The following EYA1 variants were observed in gnomAD, a reference collection of about 807,000 sequenced individuals.
EYA1 encodes the protein protein phosphatase EYA1.
In EYA1, 16 loss-of-function variants were observed where a neutral mutation model predicts 82.0. The ratio of observed to expected loss-of-function variants is 0.20; its 90% CI spans 0.13 to 0.30. EYA1 has a LOEUF of 0.30. Ranked by LOEUF, EYA1 falls within the 10% of genes least tolerant of loss-of-function variation. The probability of loss-of-function intolerance (pLI) is 1.00; values close to 1 mark genes in which losing one functional copy is unlikely to be tolerated. For missense variants in EYA1, 633 were observed against 730.7 expected (o/e 0.87, Z 1.54); for synonymous variants, 261 against 264.4 (o/e 0.99, Z 0.12).
At chr8:71,303,317 C>T (rs1228205119) in intron 7 of EYA1, among the ~76,000 whole-genome samples, 2 of 116,658 alleles carry the variant, frequency 1.7e-5, no homozygotes, top group African/African-American at 6.5e-5. Flanking sequence ...ATTTGATATA[C>T]ACACACACAC....
chr8:71,206,890 G>T (rs1807848482), intron 17 of EYA1, among the ~76,000 whole-genome samples: 1 of 151,800 alleles, frequency 6.6e-6, no homozygotes, highest in Non-Finnish European at 1.5e-5. Context: ...TGAGTAGCTG[G>T]GACTACAGGC....
intron 2 of EYA1, among the ~76,000 whole-genome samples, chr8:71,524,622 AAAAATC>A (rs1813677219): frequency 6.6e-6 from 1 of 152,204 alleles, no homozygotes; most frequent in Non-Finnish European, 1.5e-5. Flanking sequence ...TGATATAATA[AAAAATC>A]TGAGTATTTC....
chr8:71,241,170 G>T (rs545569913), intron 12 of EYA1, among the ~76,000 whole-genome samples: 67 of 152,034 alleles, frequency 4.4e-4, no homozygotes, highest in Non-Finnish European at 7.4e-4. Flanking sequence ...TCCTTCATAC[G>T]TCAAACATTT....
intron 1 of EYA1, among the ~76,000 whole-genome samples, chr8:71,359,308 TA>T (rs1827172350): frequency 6.6e-6 from 1 of 152,186 alleles, no homozygotes; most frequent in Non-Finnish European, 1.5e-5. Context: ...CTCATTTTGT[TA>T]AACCTCACAT....
At chr8:71,252,148 T>C (rs1048445059) in intron 11 of EYA1, among the ~76,000 whole-genome samples, 9 of 152,168 alleles carry the variant, frequency 5.9e-5, no homozygotes, top group African/African-American at 2.2e-4. Flanking sequence ...TCATTAAAAA[T>C]GGACTTTTTA....
chr8:71,384,769 G>A (rs1000033467), intron 2 of EYA1, among the ~76,000 whole-genome samples: 1 of 152,162 alleles, frequency 6.6e-6, no homozygotes, highest in Non-Finnish European at 1.5e-5. Context: ...ATTCAACACA[G>A]AATCCCTTTT....
chr8:71,391,491 A>G (rs1829280095), intron 2 of EYA1, among the ~76,000 whole-genome samples: 1 of 151,930 alleles, frequency 6.6e-6, no homozygotes, highest in East Asian at 1.9e-4. Flanking sequence ...ACCTTTTTTT[A>G]TTCTTTGTAT....
At chr8:71,479,467 T>C (rs1466063270) in intron 2 of EYA1, among the ~76,000 whole-genome samples, 1 of 152,082 alleles carries the variant, frequency 6.6e-6, no homozygotes, top group Non-Finnish European at 1.5e-5. Context: ...CTTTCTTTTA[T>C]TGCCCACCCC....
chr8:71,222,172 T>G (rs1375381989), intron 12 of EYA1, among the ~76,000 whole-genome samples: 3 of 152,190 alleles, frequency 2.0e-5, no homozygotes, highest in African/African-American at 7.2e-5. Context: ...TTCTTTCTTC[T>G]GAGGAGGTAA....
In EYA1 at chr8:71,244,631, T is replaced by C; in HGVS notation, c.1112A>G (p.Asp371Gly). ...RMEEMIFNLA[D>G]THLFFNDLEE... ...TAAGTCATTAAAAAATAAATGTGTG[T>C]CTGCCAAGTTGAAAATCATTTCTTC... Residue 371 changes from aspartate (D) to glycine (G), a missense_variant, in exon 12 of 18, where the codon GAC becomes GGC. Asp to Gly is a moderately conservative substitution (Grantham distance 94). Transcript: ENST00000340726. 6.2e-7 allele frequency: 1 copy of C among 1,607,480 alleles called. No homozygotes were observed. Among genetic ancestry groups the C allele is most frequent in the Non-Finnish European group, 8.5e-7 (1 of 1,174,526 alleles).
chr8:71,482,525 T>C (rs146651707), intron 2 of EYA1, among the ~76,000 whole-genome samples: 187 of 152,340 alleles, frequency 1.2e-3, no homozygotes, highest in African/African-American at 4.2e-3. Flanking sequence ...AACCCAGCAA[T>C]TCCACTTCTA....
chr8:71,447,660 T>C (rs757001778), intron 2 of EYA1, among the ~76,000 whole-genome samples: 16 of 152,188 alleles, frequency 1.1e-4, no homozygotes, highest in Non-Finnish European at 1.6e-4. Flanking sequence ...AATATTGCAA[T>C]AAAGCAAGTC....
At chr8:71,395,107 T>C (rs1378724877) in intron 2 of EYA1, among the ~76,000 whole-genome samples, 1 of 152,176 alleles carries the variant, frequency 6.6e-6, no homozygotes, top group Non-Finnish European at 1.5e-5. Context: ...GTTATTGGTG[T>C]ATAAGAATGC....
intron 2 of EYA1, among the ~76,000 whole-genome samples, chr8:71,480,657 A>G (rs1422232394): frequency 1.3e-5 from 2 of 152,184 alleles, no homozygotes; most frequent in Non-Finnish European, 2.9e-5. Flanking sequence ...TCTCAGCACT[A>G]TGGATTCAAA....
chr8:71,236,627 G>C (rs1811870244), intron 12 of EYA1, among the ~76,000 whole-genome samples: 1 of 152,158 alleles, frequency 6.6e-6, no homozygotes, highest in Non-Finnish European at 1.5e-5. Flanking sequence ...ACCTGAGCTA[G>C]AATCTGCCAC....
At chr8:71,305,774 A>G (rs982581594) in intron 7 of EYA1, among the ~76,000 whole-genome samples, 1 of 152,082 alleles carries the variant, frequency 6.6e-6, no homozygotes, top group African/African-American at 2.4e-5. Context: ...TTTTCCCTTC[A>G]CAACATCTCT....
chr8:71,342,564 T>C (rs574962978), intron 3 of EYA1, among the ~76,000 whole-genome samples: 5 of 152,144 alleles, frequency 3.3e-5, no homozygotes, highest in Admixed American at 6.6e-5. Flanking sequence ...TTCTTGAGAA[T>C]GAAGCCCTCT....
chr8:71,242,901 C>T (rs920511999), intron 12 of EYA1, among the ~76,000 whole-genome samples: 3 of 151,758 alleles, frequency 2.0e-5, no homozygotes, highest in Non-Finnish European at 4.4e-5. Flanking sequence ...CCTCAGCCCC[C>T]TGAGTAGCTG....
intron 9 of EYA1, among the ~76,000 whole-genome samples, chr8:71,296,407 A>G (rs1006267967): frequency 6.6e-6 from 1 of 152,146 alleles, no homozygotes; most frequent in African/African-American, 2.4e-5. Flanking sequence ...TTACAAAATT[A>G]TCTTTATATG....
Sources: gnomAD v4.1 joint callset for allele counts (sites outside exome capture counted in the v4.1 genomes callset) on GRCh38, gnomAD v4.1.1 for gene constraint, MANE v1.5 for transcripts, NCBI Gene and HGNC (gene_info 2026-07-23, HGNC 2026-07-21) for gene names.